Variants in HCRTR2 observed in about 807,000 individuals in gnomAD.
HCRTR2 encodes the protein orexin receptor type 2.
In HCRTR2, 22 loss-of-function variants were observed where a neutral mutation model predicts 49.0. The ratio of observed to expected loss-of-function variants is 0.45; its 90% confidence interval spans 0.32 to 0.64. The LOEUF (loss-of-function observed/expected upper bound fraction) is 0.64. Ranked by LOEUF, HCRTR2 falls within the 30% of genes least tolerant of loss-of-function variation. The pLI, the probability that HCRTR2 is intolerant of heterozygous loss-of-function variation, is 0.04. For synonymous variants in HCRTR2, 236 were observed against 205.3 expected (o/e 1.15, Z -1.28); for missense variants, 491 against 559.4 (o/e 0.88, Z 1.23).
chr6:55,126,939 T>C (rs1229962611), intron 1 of HCRTR2, among the ~76,000 whole-genome samples: 1 of 152,156 alleles, frequency 6.6e-6, no homozygotes, highest in Non-Finnish European at 1.5e-5. Flanking sequence ...GAGTCCCAGG[T>C]TGATCTCAGA....
intron 4 of HCRTR2, among the ~76,000 whole-genome samples, chr6:55,274,150 A>T (rs530998824): frequency 6.6e-6 from 1 of 150,580 alleles, no homozygotes; most frequent in South Asian, 2.1e-4. Context: ...TGCCATATTA[A>T]CAATACTAAG....
chr6:55,207,148 C>T (rs570506257), intron 1 of HCRTR2, among the ~76,000 whole-genome samples: 19 of 152,090 alleles, frequency 1.2e-4, no homozygotes, highest in African/African-American at 4.3e-4. Context: ...AGTCTCGTTG[C>T]TATGCATTGT....
chr6:55,217,585 G>C (rs1027331382), intron 1 of HCRTR2, among the ~76,000 whole-genome samples: 1 of 152,124 alleles, frequency 6.6e-6, no homozygotes, highest in Non-Finnish European at 1.5e-5. Flanking sequence ...TTTATACCAA[G>C]TATGACCTTT....
At chr6:55,165,059 G>T (rs1226585368) in intron 1 of HCRTR2, among the ~76,000 whole-genome samples, 1 of 152,108 alleles carries the variant, frequency 6.6e-6, no homozygotes, top group Non-Finnish European at 1.5e-5. Flanking sequence ...CAGCAGAATT[G>T]ATCCTGCAGA....
intron 2 of HCRTR2, 125 bp from the exon 3 acceptor site, chr6:55,255,007 ATTGT>A (rs1171556037): frequency 1.1e-5 from 10 of 905,302 alleles, no homozygotes; most frequent in African/African-American, 3.3e-5. Context: ...ACTTGCATGG[ATTGT>A]TTATTTTTGG....
chr6:55,165,365 C>T (rs959893462), intron 1 of HCRTR2, among the ~76,000 whole-genome samples: 1 of 151,970 alleles, frequency 6.6e-6, no homozygotes, highest in African/African-American at 2.4e-5. Flanking sequence ...AATAACTGAA[C>T]TCTCATTCAA....
downstream of HCRTR2, among the ~76,000 whole-genome samples, chr6:55,283,266 G>A (rs1010419441): frequency 6.6e-6 from 1 of 152,160 alleles, no homozygotes; most frequent in South Asian, 2.1e-4. Context: ...AGATGGCGTC[G>A]ATGCAAACAT....
At chr6:55,233,771 T>C (rs2127301014) in intron 1 of HCRTR2, among the ~76,000 whole-genome samples, 1 of 152,318 alleles carries the variant, frequency 6.6e-6, no homozygotes, top group East Asian at 1.9e-4. Context: ...CAAATAGTCT[T>C]TGCTTTATTT....
chr6:55,270,867 A>T (rs1254618815), intron 4 of HCRTR2, among the ~76,000 whole-genome samples: 1 of 152,194 alleles, frequency 6.6e-6, no homozygotes, highest in Non-Finnish European at 1.5e-5. Context: ...ATACACCTAC[A>T]ATTACAAAAT....
intron 1 of HCRTR2, among the ~76,000 whole-genome samples, chr6:55,149,268 CTG>C (rs1390511058): frequency 6.6e-6 from 1 of 152,016 alleles, no homozygotes; most frequent in Non-Finnish European, 1.5e-5. Flanking sequence ...TTGCTCATAA[CTG>C]TTACTGTATT....
intron 1 of HCRTR2, among the ~76,000 whole-genome samples, chr6:55,141,988 C>T (rs1764513568): frequency 6.6e-6 from 1 of 151,670 alleles, no homozygotes; most frequent in Non-Finnish European, 1.5e-5. Context: ...TAAAATATTC[C>T]ACATTATAAT....
chr6:55,147,935 A>G (rs1225327937), intron 1 of HCRTR2, among the ~76,000 whole-genome samples: 2 of 148,484 alleles, frequency 1.3e-5, no homozygotes, highest in South Asian at 2.1e-4. Context: ...AACAGAAACT[A>G]ATGTCATTGA....
chr6:55,117,757 C>T (rs1764137868), intron 1 of HCRTR2, among the ~76,000 whole-genome samples: 1 of 134,088 alleles, frequency 7.5e-6, no homozygotes, highest in African/African-American at 2.8e-5. Flanking sequence ...AGCCAACATG[C>T]TGCACCTGCC....
chr6:55,283,339 A>ATCTGGGG (rs1767232800), downstream of HCRTR2, among the ~76,000 whole-genome samples: 3 of 152,172 alleles, frequency 2.0e-5, no homozygotes, highest in African/African-American at 7.2e-5. Context: ...GCAGCAAACA[A>ATCTGGGG]TCTGGGGGAC....
chr6:55,158,923 A>G (rs1764766801), intron 1 of HCRTR2, among the ~76,000 whole-genome samples: 3 of 152,196 alleles, frequency 2.0e-5, no homozygotes, highest in Admixed American at 6.5e-5. Context: ...TGAAGACAGC[A>G]GGGGATCTCC....
chr6:55,161,894 T>C (rs1171282669), intron 1 of HCRTR2, among the ~76,000 whole-genome samples: 1 of 152,138 alleles, frequency 6.6e-6, no homozygotes, highest in East Asian at 1.9e-4. Context: ...AGCCAAATTC[T>C]ACAAGAGGTA....
intron 1 of HCRTR2, among the ~76,000 whole-genome samples, chr6:55,154,569 T>A (rs1040078641): frequency 6.6e-6 from 1 of 151,744 alleles, no homozygotes; most frequent in South Asian, 2.1e-4. Context: ...AACTTTGACG[T>A]TGTTGAGAAA....
At chr6:55,258,901 A>G (rs1215413234) in intron 3 of HCRTR2, among the ~76,000 whole-genome samples, 1 of 152,000 alleles carries the variant, frequency 6.6e-6, no homozygotes, top group Non-Finnish European at 1.5e-5. Flanking sequence ...AAACACAAAA[A>G]TTAGCTGGGC....
At chr6:55,213,204 T>TGAAAAA (rs1371100289) in intron 1 of HCRTR2, among the ~76,000 whole-genome samples, 1 of 151,952 alleles carries the variant, frequency 6.6e-6, no homozygotes, top group Admixed American at 6.6e-5. Flanking sequence ...TAGAGTGGAA[T>TGAAAAA]GAAAAAGAAA....
Sources: gnomAD v4.1 joint callset for allele counts (sites outside exome capture counted in the v4.1 genomes callset) on GRCh38, gnomAD v4.1.1 for gene constraint, MANE v1.5 for transcripts, NCBI Gene and HGNC (gene_info 2026-07-23, HGNC 2026-07-21) for gene names.